CDH2: variants seen among roughly 807,000 people sequenced by gnomAD.
The protein encoded by CDH2 is cadherin 2, also known as cadherin-2.
A neutral mutation model predicts 92.0 loss-of-function variants in CDH2; 17 were observed. That is an observed-to-expected ratio of 0.18 (90% CI 0.13 to 0.28). The LOEUF (loss-of-function observed/expected upper bound fraction) is 0.28, where lower values mean the gene tolerates loss of function less well. CDH2 is among the 10% of genes least tolerant of loss of function. CDH2 has a pLI of 1.00. For synonymous variants in CDH2, 419 were observed against 415.9 expected (o/e 1.01, Z -0.09); for missense variants, 862 against 1,133.1 (o/e 0.76, Z 3.44).
At chr18:28,086,635 TG>T (rs1456577579) in intron 2 of CDH2, among the ~76,000 whole-genome samples, 5 of 152,104 alleles carry the variant, frequency 3.3e-5, no homozygotes, top group Non-Finnish European at 7.4e-5. Context: ...CAATTACAAA[TG>T]TATGTTTTTG....
At chr18:28,002,478 T>C (rs579965) in intron 7 of CDH2, among the ~76,000 whole-genome samples, 1,605 of 152,346 alleles carry the variant, frequency 0.011, 36 homozygotes, top group African/African-American at 0.037. Flanking sequence ...CAGTTACTAC[T>C]GCTTAAATCT....
chr18:27,948,009 T>G (rs1173233829), downstream of CDH2, among the ~76,000 whole-genome samples: 1 of 145,832 alleles, frequency 6.9e-6, no homozygotes, highest in Non-Finnish European at 1.5e-5. Flanking sequence ...AAGCGGTGTT[T>G]GGAAAACAGA....
intron 3 of CDH2, 84 bp from the exon 4 acceptor site, chr18:28,012,076 C>T (rs1022169881): frequency 1.1e-5 from 13 of 1,137,220 alleles, no homozygotes; most frequent in Non-Finnish European, 1.5e-5. Flanking sequence ...TACCTGAAAG[C>T]ATAGGAATCA....
chr18:27,969,297 T>C (rs1401031477), intron 14 of CDH2, among the ~76,000 whole-genome samples: 1 of 152,230 alleles, frequency 6.6e-6, no homozygotes, highest in African/African-American at 2.4e-5. Context: ...CATTTTAATC[T>C]TACTGGTAGC....
At chr18:28,101,216 G>A (rs1214489846) in intron 2 of CDH2, among the ~76,000 whole-genome samples, 2 of 152,210 alleles carry the variant, frequency 1.3e-5, no homozygotes, top group East Asian at 1.9e-4. Flanking sequence ...GAACACCTTA[G>A]CAGTTTGCTT....
At chr18:28,086,846 C>A (rs1480277637) in intron 2 of CDH2, among the ~76,000 whole-genome samples, 1 of 152,114 alleles carries the variant, frequency 6.6e-6, no homozygotes, top group East Asian at 1.9e-4. Context: ...ATAATGAGTT[C>A]TTTTCTCTTA....
chr18:28,033,600 T>G (rs180767165), intron 2 of CDH2, among the ~76,000 whole-genome samples: 14 of 152,244 alleles, frequency 9.2e-5, no homozygotes, highest in Non-Finnish European at 1.5e-4. Context: ...TTCCCCATTT[T>G]CTGATCCCAT....
chr18:28,135,722 G>C (rs2015850617), intron 2 of CDH2, among the ~76,000 whole-genome samples: 1 of 152,104 alleles, frequency 6.6e-6, no homozygotes, highest in South Asian at 2.1e-4. Flanking sequence ...TATGCATAAG[G>C]TGAAAATCTG....
intron 8 of CDH2, among the ~76,000 whole-genome samples, chr18:27,993,246 GCA>G (rs1354772254): frequency 7.2e-5 from 11 of 152,174 alleles, no homozygotes; most frequent in Non-Finnish European, 1.0e-4. Flanking sequence ...TGTTGTAACA[GCA>G]CAGTCTTTTT....
At chr18:28,093,620 AC>A (rs2015075134) in intron 2 of CDH2, among the ~76,000 whole-genome samples, 2 of 152,192 alleles carry the variant, frequency 1.3e-5, no homozygotes, top group Non-Finnish European at 2.9e-5. Flanking sequence ...CTCAAAACCA[AC>A]AAAAAATTTA....
intron 2 of CDH2, among the ~76,000 whole-genome samples, chr18:28,017,206 T>C (rs554835237): frequency 1.3e-5 from 2 of 152,122 alleles, no homozygotes; most frequent in Non-Finnish European, 2.9e-5. Context: ...ATTCTTTGAA[T>C]GTTTGATAAA....
chr18:28,147,371 T>C (rs1248913168), intron 2 of CDH2, among the ~76,000 whole-genome samples: 1 of 152,122 alleles, frequency 6.6e-6, no homozygotes, highest in Non-Finnish European at 1.5e-5. Flanking sequence ...TTCTTCAAAA[T>C]ATTATTCTTT....
chr18:28,129,131 T>C (rs755358719), intron 2 of CDH2, among the ~76,000 whole-genome samples: 1 of 152,194 alleles, frequency 6.6e-6, no homozygotes, highest in Non-Finnish European at 1.5e-5. Context: ...GGCCTTAGAA[T>C]TGCTTTGTGT....
chr18:28,087,758 A>G (rs998206803), intron 2 of CDH2, among the ~76,000 whole-genome samples: 1 of 151,974 alleles, frequency 6.6e-6, no homozygotes, highest in Non-Finnish European at 1.5e-5. Context: ...CTCAAAAGAA[A>G]AACAAAACAA....
At chr18:28,021,963 C>A (rs1567967819) in intron 2 of CDH2, among the ~76,000 whole-genome samples, 1 of 151,748 alleles carries the variant, frequency 6.6e-6, no homozygotes, top group Non-Finnish European at 1.5e-5. Context: ...TTTTCCACAG[C>A]CACAGAGCAG....
intron 2 of CDH2, among the ~76,000 whole-genome samples, chr18:28,050,859 G>GA (rs745674817): frequency 1.3e-5 from 2 of 152,128 alleles, no homozygotes; most frequent in Non-Finnish European, 2.9e-5. Flanking sequence ...TTTAGCTCAA[G>GA]AAGATTCTTT....
intron 2 of CDH2, among the ~76,000 whole-genome samples, chr18:28,039,291 C>T (rs141443524): frequency 1.3e-5 from 2 of 152,194 alleles, no homozygotes; most frequent in African/African-American, 2.4e-5. Context: ...ACTCACAGGA[C>T]GTCCTGTGTT....
intron 2 of CDH2, among the ~76,000 whole-genome samples, chr18:28,045,178 G>T (rs1334593388): frequency 1.3e-5 from 2 of 152,052 alleles, no homozygotes; most frequent in African/African-American, 4.8e-5. Flanking sequence ...AAGCCCTCTA[G>T]ACTTTACCTC....
chr18:28,070,367 T>G (rs776935607), intron 2 of CDH2, among the ~76,000 whole-genome samples: 7 of 152,190 alleles, frequency 4.6e-5, no homozygotes, highest in Non-Finnish European at 8.8e-5. Context: ...TTATCCCTGT[T>G]TTAGCTGCTA....
Sources: gnomAD v4.1 joint callset for allele counts (sites outside exome capture counted in the v4.1 genomes callset) on GRCh38, gnomAD v4.1.1 for gene constraint, MANE v1.5 for transcripts, NCBI Gene and HGNC (gene_info 2026-07-23, HGNC 2026-07-21) for gene names.